NALCN: variants seen among roughly 807,000 people sequenced by gnomAD.
NALCN encodes sodium leak channel, non-selective.
Under a neutral mutation model 225.3 loss-of-function variants are expected in NALCN, and 111 were observed. The observed-to-expected ratio is 0.49, with a 90% CI of 0.42 to 0.58. The LOEUF is 0.58. Ranked by LOEUF, NALCN falls within the 20% of genes least tolerant of loss-of-function variation. The pLI, the probability that NALCN is intolerant of heterozygous loss-of-function variation, is 0.00. For synonymous variants in NALCN, 764 were observed against 769.0 expected (o/e 0.99, Z 0.11); for missense variants, 1,378 against 2,202.4 (o/e 0.63, Z 7.49).
At position 101,173,203 on chromosome 13, in the gene NALCN, T is replaced by G. The variant is rs747209911; in HGVS notation, c.1839+3097A>C. Among the ~76,000 whole-genome samples the G allele has an allele frequency of 5.9e-5, 9 of 152,356 alleles. 1 individual carries two copies. The highest frequency in any genetic ancestry group is 2.0e-4 in the Admixed American group (3 of 15,308). ...ATTGGGTTGCTGCATTCACCGCTAT[T>G]CTCAGAAACTGTCCTTCATTCTAAC... On this transcript the variant is annotated intron_variant, in intron 15 of 43. Coordinates refer to ENST00000251127, the MANE Select transcript of NALCN (RefSeq NM_052867.4).
chr13:101,236,909 TATA>T (rs1161856710), intron 12 of NALCN, among the ~76,000 whole-genome samples: 1 of 147,286 alleles, frequency 6.8e-6, no homozygotes, highest in Non-Finnish European at 1.5e-5. Flanking sequence ...AAACTTAAAG[TATA>T]ATAATAATAA....
intron 3 of NALCN, among the ~76,000 whole-genome samples, chr13:101,389,148 C>T (rs1464202170): frequency 1.3e-5 from 2 of 152,184 alleles, no homozygotes; most frequent in Non-Finnish European, 2.9e-5. Context: ...GTGGAAGATA[C>T]AGACAATTTT....
rs1483787762 is a variant in NALCN, at chr13:101,310,141, T to C, written c.800-17775A>G. Reference sequence around the variant, plus strand: ...CCTGGACTCTTAGGACAGTCTCTTCTGTCATTGCTTCCCTTGATTCTATTC... The same window carrying C: ...CCTGGACTCTTAGGACAGTCTCTTCCGTCATTGCTTCCCTTGATTCTATTC... On this transcript the variant is annotated intron_variant, in intron 7 of 43. Coordinates refer to ENST00000251127, the MANE Select transcript of NALCN (RefSeq NM_052867.4). 2.6e-5 allele frequency among the ~76,000 whole-genome samples: 4 copies of C among 151,980 alleles called. No individual in the cohort carries two copies. The East Asian group carries it at 7.7e-4, about 29-fold the overall frequency.
chr13:101,132,864 A>G (rs1208943200), intron 17 of NALCN, among the ~76,000 whole-genome samples: 2 of 152,166 alleles, frequency 1.3e-5, no homozygotes, highest in Non-Finnish European at 2.9e-5. Context: ...TACACATATT[A>G]TAAACTCTTG....
intron 41 of NALCN, 82 bp from the exon 42 acceptor site, chr13:101,060,049 T>G: frequency 6.6e-7 from 1 of 1,507,374 alleles, no homozygotes; most frequent in Admixed American, 1.8e-5. Context: ...TATTTTCTTC[T>G]CCCCTCTCCT....
chr13:101,074,770 A>C (rs2033146612), intron 35 of NALCN, 108 bp from the exon 36 acceptor site: 11 of 1,307,772 alleles, frequency 8.4e-6, no homozygotes, highest in Non-Finnish European at 1.0e-5. Context: ...GCTATGGAAG[A>C]CCTGGGTAGC....
intron 3 of NALCN, among the ~76,000 whole-genome samples, chr13:101,379,925 A>G (rs2046802118): frequency 6.6e-6 from 1 of 151,778 alleles, no homozygotes; most frequent in African/African-American, 2.4e-5. Context: ...GCAAGTTCTT[A>G]GAGATGTTCA....
chr13:101,191,077 G>T (rs1171716218), intron 14 of NALCN, among the ~76,000 whole-genome samples: 1 of 152,122 alleles, frequency 6.6e-6, no homozygotes, highest in Non-Finnish European at 1.5e-5. Context: ...AAGATATTTT[G>T]TAACTGTAAG....
chr13:101,291,059 C>T (rs760651265), intron 9 of NALCN, among the ~76,000 whole-genome samples: 1 of 152,138 alleles, frequency 6.6e-6, no homozygotes, highest in Non-Finnish European at 1.5e-5. Context: ...AATAACTGCC[C>T]TGCTGCTTTT....
intron 40 of NALCN, among the ~76,000 whole-genome samples, chr13:101,063,487 A>ATAT (rs1369697334): frequency 2.6e-5 from 4 of 152,214 alleles, no homozygotes; most frequent in African/African-American, 9.6e-5. Flanking sequence ...AAGAGGCTGA[A>ATAT]TATTAATTAT....
At chr13:101,320,816 A>C (rs951549133) in intron 7 of NALCN, among the ~76,000 whole-genome samples, 1 of 152,120 alleles carries the variant, frequency 6.6e-6, no homozygotes, top group African/African-American at 2.4e-5. Context: ...TAGCTATAAA[A>C]TCTGCTTCTC....
At chr13:101,120,853 C>A (rs2035941868) in intron 18 of NALCN, among the ~76,000 whole-genome samples, 1 of 152,196 alleles carries the variant, frequency 6.6e-6, no homozygotes, top group African/African-American at 2.4e-5. Context: ...AGAACAGTAA[C>A]TATTACTTGT....
chr13:101,055,448 T>C lies in NALCN; in HGVS notation c.5064A>G (p.Leu1688=). 1 of 1,614,124 alleles carries C rather than the reference T, an allele frequency of 6.2e-7. No homozygotes were observed. Among genetic ancestry groups the C allele is most frequent in the Non-Finnish European group, 8.5e-7 (1 of 1,180,012 alleles). ...TCATGGTTGTCCTTCCTCCAAACCG[T>C]AAGTTGACTGAGGACACTGAATGGC... ...PISHSVSSVN[L]RFGGRTTMKS... Residue 1688 remains leucine (L), a synonymous_variant, in exon 44 of 44, where the codon TTA becomes TTG. Coordinates refer to ENST00000251127, the MANE Select transcript of NALCN (RefSeq NM_052867.4).
At chr13:101,173,343 T>G (rs1222074326) in intron 15 of NALCN, among the ~76,000 whole-genome samples, 1 of 152,236 alleles carries the variant, frequency 6.6e-6, no homozygotes, top group Non-Finnish European at 1.5e-5. Context: ...TTGGCCTTTA[T>G]ATAGCTTTAG....
At chr13:101,362,945 T>C (rs2046287827) in intron 6 of NALCN, among the ~76,000 whole-genome samples, 1 of 151,888 alleles carries the variant, frequency 6.6e-6, no homozygotes, top group South Asian at 2.1e-4. Flanking sequence ...ACACCAACAG[T>C]GAACAATCTG....
At chr13:101,216,382 T>G (rs2040732295) in intron 13 of NALCN, among the ~76,000 whole-genome samples, 1 of 151,980 alleles carries the variant, frequency 6.6e-6, no homozygotes, top group Admixed American at 6.6e-5. Flanking sequence ...AAAACACACA[T>G]CAAAATCAGA....
intron 13 of NALCN, among the ~76,000 whole-genome samples, chr13:101,194,156 C>T (rs1277763031): frequency 1.3e-5 from 2 of 152,028 alleles, no homozygotes; most frequent in Non-Finnish European, 2.9e-5. Flanking sequence ...TGCTTGGGAA[C>T]GTGGAGTTAT....
chr13:101,135,276 T>G (rs2036728301), intron 17 of NALCN, among the ~76,000 whole-genome samples: 1 of 152,270 alleles, frequency 6.6e-6, no homozygotes, highest in African/African-American at 2.4e-5. Context: ...ACTTTATGAT[T>G]ATATCTAATA....
At chr13:101,129,572 T>C (rs1010433617) in intron 17 of NALCN, among the ~76,000 whole-genome samples, 5 of 152,144 alleles carry the variant, frequency 3.3e-5, no homozygotes, top group African/African-American at 1.2e-4. Flanking sequence ...GAAGCCCTGG[T>C]TTACTTATTG....
Sources: allele counts gnomAD v4.1 joint callset (sites outside exome capture counted in the v4.1 genomes callset), GRCh38; gene constraint gnomAD v4.1.1; transcripts MANE v1.5; gene names NCBI Gene and HGNC (gene_info 2026-07-23, HGNC 2026-07-21).